PDE1A: variants seen among roughly 807,000 people sequenced by gnomAD.
The protein encoded by PDE1A is dual specificity calcium/calmodulin-dependent 3',5'-cyclic nucleotide phosphodiesterase 1A.
A neutral mutation model predicts 61.7 loss-of-function variants in PDE1A; 35 were observed. The observed-to-expected ratio is 0.57, with a 90% CI of 0.43 to 0.75. The LOEUF is 0.75. Among genes scored for constraint, PDE1A ranks in the 30% least tolerant of loss-of-function variants. The pLI is 0.00. For synonymous variants in PDE1A, 232 were observed against 213.2 expected (o/e 1.09, Z -0.77); for missense variants, 597 against 630.6 (o/e 0.95, Z 0.57).
At chr2:182,685,345 C>T in the PDE1A span, among the ~76,000 whole-genome samples, 1 of 152,154 alleles carries the variant, frequency 6.6e-6, no homozygotes, top group African/African-American at 2.4e-5. Context: ...AGTAAATCAG[C>T]TAATGATGTA....
intron 1 of PDE1A, among the ~76,000 whole-genome samples, chr2:182,360,606 C>T (rs141258690): frequency 6.0e-5 from 9 of 149,948 alleles, no homozygotes; most frequent in African/African-American, 2.0e-4. Flanking sequence ...GGGCCTATGA[C>T]GCATGTAGAG....
At chr2:182,508,270 A>T (rs565452139) in intron 2 of PDE1A, among the ~76,000 whole-genome samples, 33 of 152,264 alleles carry the variant, frequency 2.2e-4, no homozygotes, top group African/African-American at 7.0e-4. Flanking sequence ...ACAAATCGAT[A>T]GCTAACATTA....
At chr2:182,370,637 T>C (rs1289677627) in intron 1 of PDE1A, among the ~76,000 whole-genome samples, 2 of 152,136 alleles carry the variant, frequency 1.3e-5, no homozygotes, top group Non-Finnish European at 2.9e-5. Context: ...CTGTTAGATT[T>C]AAAATGAGTT....
chr2:182,655,804 C>G, the PDE1A span, among the ~76,000 whole-genome samples: 1 of 152,216 alleles, frequency 6.6e-6, no homozygotes, highest in Non-Finnish European at 1.5e-5. Context: ...CATTCCAGTT[C>G]TCAAGTTTCC....
chr2:182,574,198 T>C, the PDE1A span, among the ~76,000 whole-genome samples: 17 of 152,114 alleles, frequency 1.1e-4, no homozygotes, highest in African/African-American at 4.1e-4. Context: ...TTTTTCTGCC[T>C]GCTTTATATC....
chr2:182,557,314 T>A, the PDE1A span, among the ~76,000 whole-genome samples: 2 of 152,210 alleles, frequency 1.3e-5, no homozygotes, highest in East Asian at 3.8e-4. Flanking sequence ...AAAATTCTAG[T>A]GCTTCCTTTT....
chr2:182,371,942 G>A (rs527778736), intron 1 of PDE1A, among the ~76,000 whole-genome samples: 101 of 152,064 alleles, frequency 6.6e-4, no homozygotes, highest in South Asian at 4.2e-3. Flanking sequence ...GCACCACCAC[G>A]CCTGGCTTTT....
At chr2:182,247,954 T>C (rs1263407057) in intron 2 of PDE1A, among the ~76,000 whole-genome samples, 1 of 152,186 alleles carries the variant, frequency 6.6e-6, no homozygotes, top group African/African-American at 2.4e-5. Context: ...TCATTTACAT[T>C]GTAAATGCTT....
chr2:182,334,942 A>T (rs1360914455), intron 1 of PDE1A, among the ~76,000 whole-genome samples: 1 of 152,216 alleles, frequency 6.6e-6, no homozygotes, highest in Non-Finnish European at 1.5e-5. Context: ...AGGATACAAA[A>T]TCAATGTGCA....
At position 182,241,808 on chromosome 2, in the gene PDE1A, T is replaced by A. The variant is rs1574121509; in HGVS notation, c.168-1516A>T. 2.0e-6 allele frequency: 3 copies of A among 1,519,654 alleles called. No homozygotes were observed. In the African/African-American group the frequency reaches 4.1e-5, roughly 21 times the overall value. The allele number at this position is 1,519,654 out of a possible 1,614,324, so 94.1% of individuals were successfully genotyped here. A position where few individuals can be genotyped will look rare whatever the true frequency, so the allele number is the denominator to read the frequency against. On this transcript the variant is annotated intron_variant, in intron 2 of 13. Coordinates refer to ENST00000351439, the Ensembl canonical transcript of PDE1A. ...AATACTGATTAATACTTACTCTATA[T>A]GATTTTTAACTTTCTTTCTGATCTG...
chr2:182,297,134 A>T (rs746808477), intron 1 of PDE1A, among the ~76,000 whole-genome samples: 1 of 152,158 alleles, frequency 6.6e-6, no homozygotes, highest in African/African-American at 2.4e-5. Context: ...TTCTTTGGAG[A>T]ACACTGACTA....
intron 1 of PDE1A, among the ~76,000 whole-genome samples, chr2:182,422,671 A>C (rs959373711): frequency 6.6e-5 from 10 of 152,304 alleles, no homozygotes; most frequent in African/African-American, 2.4e-4. Context: ...AATATGTTAC[A>C]TCATTTAATA....
At chr2:182,686,917 G>A in the PDE1A span, among the ~76,000 whole-genome samples, 236 of 151,164 alleles carry the variant, frequency 1.6e-3, 2 homozygotes, top group African/African-American at 5.7e-3. Context: ...CATGCCCATG[G>A]AGCCTCGCTC....
chr2:182,514,251 T>G (rs1689998124), intron 2 of PDE1A, among the ~76,000 whole-genome samples: 1 of 152,250 alleles, frequency 6.6e-6, no homozygotes. Context: ...ATATCCATAC[T>G]GCCCAAAGCA....
At chr2:182,268,017 T>A (rs1421840489) in intron 1 of PDE1A, among the ~76,000 whole-genome samples, 1 of 152,136 alleles carries the variant, frequency 6.6e-6, no homozygotes, top group Non-Finnish European at 1.5e-5. Flanking sequence ...AATAAACAAG[T>A]TCCCTTAATT....
intron 2 of PDE1A, among the ~76,000 whole-genome samples, chr2:182,502,821 TTA>T (rs1491025952): frequency 4.0e-5 from 6 of 151,198 alleles, no homozygotes; most frequent in South Asian, 2.1e-4. Context: ...AAGTGAATAC[TTA>T]TATGTTTTGT....
At chr2:182,644,058 G>A in the PDE1A span, among the ~76,000 whole-genome samples, 1 of 148,650 alleles carries the variant, frequency 6.7e-6, no homozygotes, top group South Asian at 2.2e-4. Context: ...CAAGTGAGTT[G>A]ATGCTCTTCA....
Position 182,512,175 on chromosome 2 carries a change from C to CT in PDE1A, c.101+10100dup, listed in dbSNP as rs879693893. On this transcript the variant is annotated intron_variant, in intron 2 of 14. Transcript: ENST00000410103. ...CCACTGCTACAACCTCAATAAAGTCCTTTTTCCAGCACCTTTCTCCCCATC... is the reference window on the plus strand; with the variant it reads ...CCACTGCTACAACCTCAATAAAGTCCTTTTTTCCAGCACCTTTCTCCCCATC... 2.0e-3 allele frequency among the ~76,000 whole-genome samples: 311 copies of CT among 152,252 alleles called. 7 individuals are homozygous for CT. Among genetic ancestry groups the CT allele is most frequent in the East Asian group, 1.2e-3 (6 of 5,182 alleles).
chr2:182,321,276 G>A (rs1202697806), intron 1 of PDE1A, among the ~76,000 whole-genome samples: 3 of 152,120 alleles, frequency 2.0e-5, no homozygotes, highest in African/African-American at 7.2e-5. Context: ...CTCTCCTGTA[G>A]TTTCAATTGG....
Sources: gnomAD v4.1 joint callset for allele counts (sites outside exome capture counted in the v4.1 genomes callset) on GRCh38, gnomAD v4.1.1 for gene constraint, MANE v1.5 for transcripts, NCBI Gene and HGNC (gene_info 2026-07-23, HGNC 2026-07-21) for gene names.